The following TMEM266 variants were observed in gnomAD, a reference collection of about 807,000 sequenced individuals.
TMEM266 encodes Hv1 related protein 1.
TMEM266 carries 33 observed loss-of-function variants against 50.5 expected under a neutral mutation model. That is an observed-to-expected ratio of 0.65 (90% CI 0.50 to 0.87). The LOEUF (loss-of-function observed/expected upper bound fraction) is 0.87, where lower values mean the gene tolerates loss of function less well. Ranked by LOEUF, TMEM266 falls within the 40% of genes least tolerant of loss-of-function variation. The pLI is 0.00. For synonymous variants in TMEM266, 310 were observed against 292.3 expected (o/e 1.06, Z -0.62); for missense variants, 655 against 695.1 (o/e 0.94, Z 0.65).
chr15:76,074,479 C>A (rs2036578188), intron 1 of TMEM266, among the ~76,000 whole-genome samples: 1 of 151,930 alleles, frequency 6.6e-6, no homozygotes. Flanking sequence ...ATTGACACTT[C>A]AAATTAATGC....
intron 9 of TMEM266, among the ~76,000 whole-genome samples, chr15:76,201,602 T>C (rs1245106155): frequency 6.6e-6 from 1 of 152,098 alleles, no homozygotes; most frequent in African/African-American, 2.4e-5. Flanking sequence ...TCCCTTTCTG[T>C]TATTTGCTCA....
chr15:76,116,934 T>A (rs1366240515), intron 1 of TMEM266, among the ~76,000 whole-genome samples: 1 of 150,526 alleles, frequency 6.6e-6, no homozygotes, highest in Non-Finnish European at 1.5e-5. Flanking sequence ...AGTTTCGCTC[T>A]TGTTGCCCAG....
chr15:76,092,622 G>A (rs375830268), intron 1 of TMEM266, among the ~76,000 whole-genome samples: 2 of 151,380 alleles, frequency 1.3e-5, no homozygotes, highest in Admixed American at 6.6e-5. Context: ...CCCGGGAAGC[G>A]GAAATTACAG....
chr15:76,184,661 G>GT (rs1288032294), intron 8 of TMEM266, among the ~76,000 whole-genome samples: 3 of 152,224 alleles, frequency 2.0e-5, no homozygotes, highest in Non-Finnish European at 4.4e-5. Context: ...GACAAGGCCC[G>GT]TGTCAATTGG....
intron 9 of TMEM266, among the ~76,000 whole-genome samples, chr15:76,198,651 A>G (rs1415789861): frequency 3.3e-5 from 5 of 152,264 alleles, no homozygotes; most frequent in African/African-American, 1.2e-4. Flanking sequence ...AGTCCAGCCT[A>G]ATGGTACTTG....
intron 7 of TMEM266, among the ~76,000 whole-genome samples, 165 bp downstream of exon 7, chr15:76,171,296 C>G (rs768875840): frequency 2.0e-5 from 3 of 152,208 alleles, no homozygotes; most frequent in Non-Finnish European, 2.9e-5. Flanking sequence ...CTCGCCATCA[C>G]GCGTTCATGC....
At chr15:76,124,299 C>G (rs1053129730) in intron 1 of TMEM266, among the ~76,000 whole-genome samples, 1 of 152,212 alleles carries the variant, frequency 6.6e-6, no homozygotes, top group African/African-American at 2.4e-5. Context: ...CATAAGGAAT[C>G]TATCACACAC....
chr15:76,185,454 T>C (rs1347602629), intron 8 of TMEM266, among the ~76,000 whole-genome samples: 1 of 152,222 alleles, frequency 6.6e-6, no homozygotes, highest in African/African-American at 2.4e-5. Context: ...TATATCAAGA[T>C]TCTAAAAGTT....
intron 1 of TMEM266, among the ~76,000 whole-genome samples, chr15:76,085,884 T>C (rs894009796): frequency 2.6e-5 from 4 of 151,976 alleles, no homozygotes; most frequent in Admixed American, 6.6e-5. Flanking sequence ...CTATCTCTAC[T>C]AAAAATACAA....
At chr15:76,175,426 A>G (rs2038258382) in intron 7 of TMEM266, 133 bp from the exon 8 acceptor site, 2 of 655,766 alleles carry the variant, frequency 3.0e-6, no homozygotes, top group Non-Finnish European at 5.4e-6. Flanking sequence ...GGGTACCTGG[A>G]CATTTCCCCT....
At chr15:76,137,616 A>G (rs778383237) in intron 2 of TMEM266, 91 bp from the exon 3 acceptor site, 277 of 1,303,116 alleles carry the variant, frequency 2.1e-4, no homozygotes, top group Non-Finnish European at 3.0e-4. Flanking sequence ...CCACTGGCAT[A>G]GCAGCATTCT....
In TMEM266 at chr15:76,152,803, C is replaced by T. The variant is rs537943094; in HGVS notation, c.228-3801C>T. Among the ~76,000 whole-genome samples, 479 of 152,312 alleles carry T rather than the reference C, an allele frequency of 3.1e-3. 5 individuals are homozygous for T. The highest frequency in any genetic ancestry group is 4.4e-3 in the Non-Finnish European group (299 of 68,026). Reference sequence around the variant, plus strand: ...CGTGTCTTCCTTGTAGTACCCATCACACCAGCACCTGTTGTATTGATTGCC... The same window carrying T: ...CGTGTCTTCCTTGTAGTACCCATCATACCAGCACCTGTTGTATTGATTGCC... On this transcript the variant is annotated intron_variant, in intron 3 of 10. Coordinates refer to ENST00000388942, the MANE Select transcript of TMEM266 (RefSeq NM_152335.3).
chr15:76,204,605 G>T lies in TMEM266; in HGVS notation c.*290G>T. 3.8e-6 allele frequency: 1 copy of T among 263,948 alleles called. No homozygotes were observed. The highest frequency in any genetic ancestry group is 8.5e-5 in the South Asian group (1 of 11,830). 16.4% of individuals were successfully genotyped at this position (263,948 alleles called of 1,614,324 possible). A position where few individuals can be genotyped will look rare whatever the true frequency, so the allele number is the denominator to read the frequency against. Reference sequence around the variant, plus strand: ...CAGCCTGTGGCCCAGCTTCAGCAGGGTAGAGTGTGGGGGGGCCAGCTCAGC... The same window carrying T: ...CAGCCTGTGGCCCAGCTTCAGCAGGTTAGAGTGTGGGGGGGCCAGCTCAGC... On this transcript the variant is annotated 3_prime_UTR_variant, in exon 11 of 11. Transcript: ENST00000388942.
Position 76,204,422 on chromosome 15 carries a change from C to A in TMEM266, c.*107C>A. The A allele has an allele frequency of 8.8e-7, 1 of 1,135,868 alleles. No homozygotes were observed. 70.4% of individuals were successfully genotyped at this position (1,135,868 alleles called of 1,614,324 possible). ...ACGCGGGGCCCAGGAGCCCACCTGG[C>A]CTCCCTCAGGGTGCTGCCTGCCTCC... On this transcript the variant is annotated 3_prime_UTR_variant, in exon 11 of 11. Coordinates refer to ENST00000388942, the MANE Select transcript of TMEM266 (RefSeq NM_152335.3).
intron 3 of TMEM266, among the ~76,000 whole-genome samples, chr15:76,152,541 G>T (rs2037860293): frequency 6.6e-6 from 1 of 152,124 alleles, no homozygotes; most frequent in Non-Finnish European, 1.5e-5. Context: ...CCTCCTCCCG[G>T]TCCAGCTCCT....
chr15:76,175,230 C>G lies in TMEM266; in HGVS notation c.653-329C>G, dbSNP rs1199954388. The G allele has an allele frequency of 3.9e-5, 9 of 233,678 alleles. No homozygotes were observed. In the Admixed American group the frequency reaches 4.7e-4, roughly 12 times the overall value. 14.5% of individuals were successfully genotyped at this position (233,678 alleles called of 1,614,324 possible). ...GCTGCATGCCACCTCCACTAGCATCCTATGGTCCAGAAGGTGGTCTTGTGG... is the reference window on the plus strand; with the variant it reads ...GCTGCATGCCACCTCCACTAGCATCGTATGGTCCAGAAGGTGGTCTTGTGG... On this transcript the variant is annotated intron_variant, in intron 7 of 10. Transcript: ENST00000388942.
intron 4 of TMEM266, 23 bp downstream of exon 4, chr15:76,156,781 A>G (rs2142047499): frequency 6.2e-7 from 1 of 1,607,924 alleles, no homozygotes; most frequent in East Asian, 2.2e-5. Context: ...AGAGATACAT[A>G]TGCCAATACA....
chr15:76,125,738 C>G lies in TMEM266; in HGVS notation c.-96-8430C>G, dbSNP rs976727552. On this transcript the variant is annotated intron_variant, in intron 1 of 10. Transcript: ENST00000388942. ...TGGCACATGCCTGTAATCCCAGCTA[C>G]CCGGGAGGCTGAGGCAGGAGAATTG... Among the ~76,000 whole-genome samples, 46 of 151,724 alleles carry G rather than the reference C, an allele frequency of 3.0e-4. 1 individual carries two copies.
At chr15:76,185,855 G>A (rs2038484161) in intron 8 of TMEM266, among the ~76,000 whole-genome samples, 1 of 152,212 alleles carries the variant, frequency 6.6e-6, no homozygotes, top group African/African-American at 2.4e-5. Context: ...GGGTCCTGGA[G>A]CTGGTACAGA....
Sources: allele counts gnomAD v4.1 joint callset (sites outside exome capture counted in the v4.1 genomes callset), GRCh38; gene constraint gnomAD v4.1.1; transcripts MANE v1.5; gene names NCBI Gene and HGNC (gene_info 2026-07-23, HGNC 2026-07-21).